DTNB: variants seen among roughly 807,000 people sequenced by gnomAD.
DTNB encodes dystrobrevin beta, also known as DTN-B.
A neutral mutation model predicts 90.7 loss-of-function variants in DTNB; 63 were observed. That is an observed-to-expected ratio of 0.69 (90% CI 0.57 to 0.86). The LOEUF (loss-of-function observed/expected upper bound fraction) is 0.86, where lower values mean the gene tolerates loss of function less well. DTNB is among the 40% of genes least tolerant of loss of function. DTNB has a pLI of 0.00. For synonymous variants in DTNB, 277 were observed against 286.7 expected (o/e 0.97, Z 0.34); for missense variants, 744 against 807.1 (o/e 0.92, Z 0.95).
chr2:25,408,257 C>T (rs796361229), intron 16 of DTNB, among the ~76,000 whole-genome samples: 14 of 151,862 alleles, frequency 9.2e-5, no homozygotes, highest in Admixed American at 2.6e-4. Context: ...TGCGGTGAGC[C>T]GAGATCGTGC....
At chr2:25,464,918 A>C (rs909692311) in intron 10 of DTNB, among the ~76,000 whole-genome samples, 1 of 152,230 alleles carries the variant, frequency 6.6e-6, no homozygotes, top group East Asian at 1.9e-4. Context: ...GGAGCCAGGG[A>C]GACAGGATGA....
chr2:25,429,363 T>A (rs1003924986), intron 14 of DTNB, among the ~76,000 whole-genome samples: 2 of 152,230 alleles, frequency 1.3e-5, no homozygotes, highest in Non-Finnish European at 2.9e-5. Context: ...AGATCCCATC[T>A]ACATTCCTGT....
chr2:25,510,368 T>C (rs574102536), intron 9 of DTNB, among the ~76,000 whole-genome samples: 25 of 152,190 alleles, frequency 1.6e-4, no homozygotes, highest in African/African-American at 5.8e-4. Flanking sequence ...TATTTGATAG[T>C]TCACACTCTT....
At chr2:25,610,292 A>C (rs2068246499) in intron 4 of DTNB, among the ~76,000 whole-genome samples, 1 of 152,160 alleles carries the variant, frequency 6.6e-6, no homozygotes, top group Non-Finnish European at 1.5e-5. Flanking sequence ...ATTTTTAAAG[A>C]AATAGTTTAG....
chr2:25,518,194 TTA>T (rs2075460094), intron 9 of DTNB, among the ~76,000 whole-genome samples: 1 of 134,230 alleles, frequency 7.4e-6, no homozygotes, highest in African/African-American at 3.2e-5. Flanking sequence ...ATAGTTAATT[TTA>T]TATTATTTTT....
At chr2:25,535,650 C>A (rs868757843) in intron 8 of DTNB, among the ~76,000 whole-genome samples, 7 of 140,120 alleles carry the variant, frequency 5.0e-5, no homozygotes, top group Non-Finnish European at 7.6e-5. Flanking sequence ...CCAGACAGGG[C>A]GGCCGGGCAG....
At chr2:25,572,994 G>C (rs1021020532) in intron 8 of DTNB, among the ~76,000 whole-genome samples, 12 of 151,740 alleles carry the variant, frequency 7.9e-5, no homozygotes, top group African/African-American at 2.9e-4. Flanking sequence ...AGGCTGGAGT[G>C]CAATGGCACG....
intron 6 of DTNB, 54 bp from the exon 7 acceptor site, chr2:25,580,880 T>A: frequency 1.3e-6 from 2 of 1,483,986 alleles, no homozygotes; most frequent in African/African-American, 2.8e-5. Flanking sequence ...ATCTCCAAAC[T>A]CCAAGTTTAA....
At chr2:25,545,371 G>A (rs1325705429) in intron 8 of DTNB, among the ~76,000 whole-genome samples, 2 of 152,118 alleles carry the variant, frequency 1.3e-5, no homozygotes, top group Non-Finnish European at 2.9e-5. Flanking sequence ...TTTGTGATTG[G>A]GTTTGCAATT....
intron 6 of DTNB, among the ~76,000 whole-genome samples, chr2:25,584,921 G>T (rs539486040): frequency 6.6e-6 from 1 of 152,126 alleles, no homozygotes; most frequent in East Asian, 1.9e-4. Context: ...AGCTCTTTGG[G>T]GTCCTCAATA....
chr2:25,643,046 G>A (rs982634688), intron 2 of DTNB, among the ~76,000 whole-genome samples: 24 of 151,976 alleles, frequency 1.6e-4, no homozygotes, highest in African/African-American at 5.6e-4. Flanking sequence ...GAGCCACCGC[G>A]CCCGGCCCCA....
At chr2:25,475,067 G>A (rs114334965) in intron 10 of DTNB, among the ~76,000 whole-genome samples, 1,595 of 152,228 alleles carry the variant, frequency 0.01, 36 homozygotes, top group Admixed American at 0.035. Flanking sequence ...CTATTATGAT[G>A]TCTAAGTGCT....
At chr2:25,499,718 A>G (rs898206469) in intron 9 of DTNB, among the ~76,000 whole-genome samples, 3 of 152,160 alleles carry the variant, frequency 2.0e-5, no homozygotes, top group Non-Finnish European at 4.4e-5. Context: ...GGTTTCACTT[A>G]TGAGCTTGTA....
chr2:25,634,401 G>C (rs575001431), intron 3 of DTNB, among the ~76,000 whole-genome samples: 1 of 132,172 alleles, frequency 7.6e-6, no homozygotes, highest in Non-Finnish European at 1.7e-5. Context: ...CAGCCCCCCC[G>C]CCCGGCCACC....
At chr2:25,632,551 T>C (rs1047973858) in intron 3 of DTNB, among the ~76,000 whole-genome samples, 5 of 152,162 alleles carry the variant, frequency 3.3e-5, no homozygotes, top group African/African-American at 1.2e-4. Flanking sequence ...AACGGACTAA[T>C]TAATGAGTTA....
intron 8 of DTNB, among the ~76,000 whole-genome samples, chr2:25,566,420 C>T (rs1470961114): frequency 6.6e-6 from 1 of 152,192 alleles, no homozygotes; most frequent in Non-Finnish European, 1.5e-5. Context: ...TTCTGACTTA[C>T]AAAAACGGAG....
At chr2:25,663,085 CCT>C (rs966009916) in intron 1 of DTNB, among the ~76,000 whole-genome samples, 9 of 151,954 alleles carry the variant, frequency 5.9e-5, no homozygotes, top group African/African-American at 1.9e-4. Context: ...CCAACAGGCC[CCT>C]GTGTGTGTTG....
chr2:25,631,389 A>G (rs1443799222), intron 3 of DTNB, among the ~76,000 whole-genome samples: 1 of 152,028 alleles, frequency 6.6e-6, no homozygotes, highest in African/African-American at 2.4e-5. Flanking sequence ...TGGAGAACAT[A>G]GTGGAATCCC....
At chr2:25,534,140 T>TGG (rs2078868908) in intron 8 of DTNB, among the ~76,000 whole-genome samples, 1 of 152,200 alleles carries the variant, frequency 6.6e-6, no homozygotes, top group Non-Finnish European at 1.5e-5. Context: ...CAGAGGTCCC[T>TGG]GCGGCCTTTG....
Sources: allele counts gnomAD v4.1 joint callset (sites outside exome capture counted in the v4.1 genomes callset), GRCh38; gene constraint gnomAD v4.1.1; transcripts MANE v1.5; gene names NCBI Gene and HGNC (gene_info 2026-07-23, HGNC 2026-07-21).